RALGAPA1: variants seen among roughly 807,000 people sequenced by gnomAD.
RALGAPA1 encodes Ral GTPase activating protein catalytic subunit alpha 1.
In RALGAPA1, 52 loss-of-function variants were observed where a neutral mutation model predicts 269.6. The ratio of observed to expected loss-of-function variants is 0.19; its 90% CI spans 0.15 to 0.24. The LOEUF is 0.24. Among genes scored for constraint, RALGAPA1 ranks in the 10% least tolerant of loss-of-function variants. The pLI is 1.00. For synonymous variants in RALGAPA1, 817 were observed against 1,008.3 expected, an observed-to-expected ratio of 0.81 and a Z score of 3.60; for missense variants, 1,917 against 3,013.9, an observed-to-expected ratio of 0.64 and a Z score of 8.52.
intron 39 of RALGAPA1, among the ~76,000 whole-genome samples, chr14:35,557,300 G>GA (rs66542011): frequency 1.8e-3 from 203 of 112,944 alleles, no homozygotes; most frequent in Non-Finnish European, 2.6e-3. Context: ...ACTGCAAAAA[G>GA]AAAAAAAAAA....
chr14:35,777,887 G>T (rs1343796154), intron 1 of RALGAPA1, among the ~76,000 whole-genome samples: 1 of 152,058 alleles, frequency 6.6e-6, no homozygotes, highest in African/African-American at 2.4e-5. Context: ...AAAAATAAAA[G>T]ATTTTTGAAA....
At chr14:35,578,265 C>G (rs992624769) in intron 37 of RALGAPA1, among the ~76,000 whole-genome samples, 2 of 152,092 alleles carry the variant, frequency 1.3e-5, no homozygotes, top group Non-Finnish European at 2.9e-5. Context: ...ATACAAATAA[C>G]AAAGGACATG....
At chr14:35,656,323 CTA>C (rs980191092) in intron 28 of RALGAPA1, among the ~76,000 whole-genome samples, 4 of 152,248 alleles carry the variant, frequency 2.6e-5, no homozygotes, top group Non-Finnish European at 5.9e-5. Context: ...AAATATTTTT[CTA>C]TCTTTTAAAT....
At position 35,792,765 on chromosome 14, in the gene RALGAPA1, G is replaced by A. The variant is rs112428933; in HGVS notation, c.106+15965C>T. ...TGCACTCCAGCCTGGGCGACAGAGT[G>A]AGACCCTGTCTCAAAAAAAAAAAAA... is the stretch of plus-strand genomic sequence containing the variant. On this transcript the variant is annotated intron_variant, in intron 1 of 41. Transcript: ENST00000680220. Among the ~76,000 whole-genome samples the A allele has an allele frequency of 4.3e-4, 56 of 130,716 alleles. 2 individuals are homozygous for A. The highest frequency in any genetic ancestry group is 1.4e-3 in the African/African-American group (47 of 34,078). The allele number at this position is 130,716 out of a possible 152,430, so 85.8% of individuals were successfully genotyped here.
chr14:35,550,011 A>T (rs755649710), intron 39 of RALGAPA1, among the ~76,000 whole-genome samples: 32 of 152,222 alleles, frequency 2.1e-4, no homozygotes, highest in Admixed American at 1.3e-4. Context: ...TTCTTCTCTG[A>T]TATTATTGAC....
chr14:35,550,149 G>A (rs1183534949), intron 39 of RALGAPA1, among the ~76,000 whole-genome samples: 2 of 152,178 alleles, frequency 1.3e-5, no homozygotes, highest in Admixed American at 1.3e-4. Context: ...TGTTGTTCAC[G>A]AAAGCAACTA....
intron 31 of RALGAPA1, among the ~76,000 whole-genome samples, chr14:35,639,682 G>A (rs1268262906): frequency 3.3e-5 from 5 of 152,192 alleles, no homozygotes; most frequent in African/African-American, 1.2e-4. Flanking sequence ...GCTCGTGCCT[G>A]TAATCCCAGC....
intron 26 of RALGAPA1, among the ~76,000 whole-genome samples, chr14:35,665,968 A>T (rs922060746): frequency 5.9e-5 from 9 of 152,100 alleles, no homozygotes; most frequent in African/African-American, 2.2e-4. Flanking sequence ...ATATGAATGA[A>T]ATCTAAAATA....
chr14:35,582,309 C>A (rs1222232919), intron 37 of RALGAPA1, among the ~76,000 whole-genome samples: 1 of 152,128 alleles, frequency 6.6e-6, no homozygotes, highest in East Asian at 1.9e-4. Context: ...CAAAAAACAA[C>A]AAAACAAGTT....
chr14:35,661,039 T>C (rs891513838), intron 27 of RALGAPA1, among the ~76,000 whole-genome samples: 1 of 152,122 alleles, frequency 6.6e-6, no homozygotes, highest in Non-Finnish European at 1.5e-5. Context: ...GGAGACTTAA[T>C]GTACAGCATG....
At chr14:35,807,188 T>G (rs1049308759) in intron 1 of RALGAPA1, among the ~76,000 whole-genome samples, 3 of 152,214 alleles carry the variant, frequency 2.0e-5, no homozygotes, top group African/African-American at 4.8e-5. Context: ...TTATCCCAAG[T>G]AGGTGTCAAG....
Position 35,677,935 on chromosome 14 carries a change from A to G in RALGAPA1, c.4624+15T>C. The G allele has an allele frequency of 6.2e-7, 1 of 1,611,018 alleles. No homozygotes were observed. The highest frequency in any genetic ancestry group is 8.5e-7 in the Non-Finnish European group (1 of 1,178,886). ...CTAAAAGAAAAAAGGTAAATATCTA[A>G]TTTTGAAATATTGCCTAGATCATCT... On this transcript the variant is annotated intron_variant, in intron 22 of 41. Coordinates refer to ENST00000680220, the MANE Select transcript of RALGAPA1 (RefSeq NM_001346249.2).
chr14:35,610,963 G>T (rs546825746), intron 35 of RALGAPA1, among the ~76,000 whole-genome samples: 1 of 152,078 alleles, frequency 6.6e-6, no homozygotes, highest in African/African-American at 2.4e-5. Context: ...ATAAAACATT[G>T]TTGAAAGAAA....
At chr14:35,726,094 T>C (rs2069883918) in intron 13 of RALGAPA1, among the ~76,000 whole-genome samples, 1 of 152,162 alleles carries the variant, frequency 6.6e-6, no homozygotes, top group East Asian at 1.9e-4. Flanking sequence ...CCTCTGGTTA[T>C]TTTGCAAGTC....
intron 39 of RALGAPA1, among the ~76,000 whole-genome samples, chr14:35,555,483 T>C (rs1194011439): frequency 1.3e-5 from 2 of 152,214 alleles, no homozygotes; most frequent in Non-Finnish European, 2.9e-5. Context: ...TTTCCAAAAC[T>C]GCTCTGTATA....
intron 4 of RALGAPA1, among the ~76,000 whole-genome samples, chr14:35,768,689 G>A (rs1249723799): frequency 2.0e-5 from 3 of 151,384 alleles, no homozygotes; most frequent in Admixed American, 2.0e-4. Context: ...ATAAGATCCT[G>A]TCTCTTAAAA....
chr14:35,663,579 C>A (rs966193532), intron 27 of RALGAPA1, among the ~76,000 whole-genome samples: 1 of 150,482 alleles, frequency 6.6e-6, no homozygotes, highest in Non-Finnish European at 1.5e-5. Context: ...ACTGTTAAAC[C>A]CTTGGGAATT....
intron 24 of RALGAPA1, among the ~76,000 whole-genome samples, chr14:35,673,419 G>A (rs868618568): frequency 4.6e-5 from 7 of 151,938 alleles, no homozygotes; most frequent in East Asian, 3.9e-4. Context: ...AGCCAGGCAC[G>A]GTGGCACACG....
chr14:35,792,298 A>G (rs1039462620), intron 1 of RALGAPA1, among the ~76,000 whole-genome samples: 47 of 152,084 alleles, frequency 3.1e-4, no homozygotes, highest in African/African-American at 1.1e-3. Flanking sequence ...CTGGGATTAC[A>G]GGCGCCTGCC....
Sources: allele counts gnomAD v4.1 joint callset (sites outside exome capture counted in the v4.1 genomes callset), GRCh38; gene constraint gnomAD v4.1.1; transcripts MANE v1.5; gene names NCBI Gene and HGNC (gene_info 2026-07-23, HGNC 2026-07-21).